TRIOBP: variants seen among roughly 807,000 people sequenced by gnomAD.
TRIOBP encodes TRIO and F-actin-binding protein.
In TRIOBP, 169 loss-of-function variants were observed where a neutral mutation model predicts 238.8. That is an observed-to-expected ratio of 0.71 (90% CI 0.62 to 0.80). The LOEUF (loss-of-function observed/expected upper bound fraction) is 0.80, where lower values mean the gene tolerates loss of function less well. TRIOBP is among the 30% of genes least tolerant of loss of function. TRIOBP has a pLI of 0.00. For missense variants in TRIOBP, 2,838 were observed against 3,122.6 expected (o/e 0.91, Z 2.17); for synonymous variants, 1,150 against 1,274.4 (o/e 0.90, Z 2.08).
intron 6 of TRIOBP, among the ~76,000 whole-genome samples, chr22:37,718,077 G>A (rs1316824647): frequency 6.6e-6 from 1 of 152,196 alleles, no homozygotes; most frequent in African/African-American, 2.4e-5. Context: ...CCAGCCGCTG[G>A]CCCAGGTGCT....
At position 37,772,660 on chromosome 22, in the gene TRIOBP, G is replaced by C. The variant is rs1276578489; in HGVS notation, c.6996G>C (p.Lys2332Asn). Residue 2332 changes from lysine to asparagine, a missense_variant, in exon 23 of 24, where the codon AAG becomes AAC. Physicochemically the swap from Lys to Asn is moderately conservative, Grantham distance 94. This residue lies in a region of TRIOBP where 2,096 missense variants were observed against 2,137.4 expected (regional missense o/e 0.98). Transcript: ENST00000644935. Reference sequence around the variant, plus strand: ...TCTATGTGGAGCTGAGCCACATCAAGACACGGTCTGAGCGGGAGATCGAGC... The same window carrying C: ...TCTATGTGGAGCTGAGCCACATCAACACACGGTCTGAGCGGGAGATCGAGC... ...QDVYVELSHIKTRSEREIEQL... is the reference protein window; with the variant it reads ...QDVYVELSHINTRSEREIEQL... 6.2e-7 allele frequency: 1 copy of C among 1,614,172 alleles called. No individual in the cohort carries two copies. The highest frequency in any genetic ancestry group is 1.1e-5 in the South Asian group (1 of 91,082).
chr22:37,764,150 G>GATT (rs1926375596), intron 17 of TRIOBP, among the ~76,000 whole-genome samples: 1 of 152,212 alleles, frequency 6.6e-6, no homozygotes, highest in Non-Finnish European at 1.5e-5. Flanking sequence ...AAGGTCAGCT[G>GATT]ATTAGCAACC....
chr22:37,768,812 A>G (rs538971260), intron 19 of TRIOBP, among the ~76,000 whole-genome samples: 1 of 152,126 alleles, frequency 6.6e-6, no homozygotes, highest in South Asian at 2.1e-4. Flanking sequence ...CATCTAAAAA[A>G]AAAAAAAAAG....
intron 6 of TRIOBP, among the ~76,000 whole-genome samples, chr22:37,716,516 G>A (rs752928435): frequency 6.6e-6 from 1 of 152,006 alleles, no homozygotes; most frequent in Non-Finnish European, 1.5e-5. Context: ...TGCAACCTCC[G>A]CCTCCTGGGT....
At position 37,765,832 on chromosome 22, in the gene TRIOBP, G is replaced by C. The variant is rs555909364; in HGVS notation, c.6472+15G>C. 1.2e-5 allele frequency: 19 copies of C among 1,585,226 alleles called. No homozygotes were observed. Among genetic ancestry groups the C allele is most frequent in the Admixed American group, 8.7e-5 (5 of 57,682 alleles). Reference sequence around the variant, plus strand: ...CACGGCCTCAGGTATGGACCCTGGGGGGGGCACAGTGGGCTGGGCTCTGAG... The same window carrying C: ...CACGGCCTCAGGTATGGACCCTGGGCGGGGCACAGTGGGCTGGGCTCTGAG... On this transcript the variant is annotated intron_variant, in intron 18 of 23. Coordinates refer to ENST00000644935, the MANE Select transcript of TRIOBP (RefSeq NM_001039141.3).
Position 37,769,105 on chromosome 22 carries a change from C to T in TRIOBP, c.6653C>T (p.Ala2218Val), listed in dbSNP as rs1480642554. Residue 2218 changes from alanine to valine, a missense_variant, in exon 20 of 24, where the codon GCA becomes GTA. Ala to Val is a moderately conservative substitution (Grantham distance 64, BLOSUM62 0). Around this residue, in one of 5 missense-constraint regions of TRIOBP, gnomAD observed 2,096 missense variants for 2,137.4 expected, o/e 0.98. Coordinates refer to ENST00000644935, the MANE Select transcript of TRIOBP (RefSeq NM_001039141.3). ...QYSQKCLEIGALMRQAEEREH... is the reference protein window; with the variant it reads ...QYSQKCLEIGVLMRQAEEREH... ...TCGCAGAAGTGCCTGGAGATTGGGG[C>T]ACTCATGCGGCAGGCTGAGGAGCGC... 5 of 1,613,502 alleles carry T rather than the reference C, an allele frequency of 3.1e-6. No individual in the cohort carries two copies. The East Asian group carries it at 1.1e-4, about 36-fold the overall frequency.
In TRIOBP at chr22:37,769,330, C is replaced by T; in HGVS notation, c.6804C>T (p.Gly2268=). The stretch of plus-strand genomic sequence containing the variant: ...GCTTCATTGCCTCGCAGGGCATGGG[C>T]AATGGCTGCGGGCGCAGCAACGAGC... The part of the protein sequence containing the change: ...LRGFIASQGM[G]NGCGRSNERS... Residue 2268 remains glycine (G), a synonymous_variant, in exon 21 of 24, where the codon GGC becomes GGT. Transcript: ENST00000644935. 1.2e-6 allele frequency: 2 copies of T among 1,611,572 alleles called. No individual in the cohort carries two copies. Among genetic ancestry groups the T allele is most frequent in the Non-Finnish European group, 1.7e-6 (2 of 1,179,422 alleles).
chr22:37,723,236 G>A lies in TRIOBP; in HGVS notation c.680G>A (p.Gly227Glu). The A allele has an allele frequency of 6.2e-7, 1 of 1,614,044 alleles. No individual in the cohort carries two copies. Among genetic ancestry groups the A allele is most frequent in the Non-Finnish European group, 8.5e-7 (1 of 1,179,954 alleles). The change falls in exon 7 of 24, where the codon GGA becomes GAA. Residue 227 changes from glycine (G) to glutamate (E), a missense_variant. By Grantham distance (98) the Gly-to-Glu change is moderately conservative. Coordinates refer to ENST00000644935, the MANE Select transcript of TRIOBP (RefSeq NM_001039141.3). ...SAGQHWARLR[G>E]ESGLSLERHR... ...GGACAGCACTGGGCAAGGCTCCGGG[G>A]AGAAAGCGGGTTGTCCCTGGAGCGG...
At chr22:37,754,490 A>C (rs989142798) in intron 12 of TRIOBP, among the ~76,000 whole-genome samples, 1 of 151,370 alleles carries the variant, frequency 6.6e-6, no homozygotes, top group South Asian at 2.1e-4. Flanking sequence ...ATCCAGTCCT[A>C]CTTCCCAGGG....
chr22:37,769,288 G>A lies in TRIOBP; in HGVS notation c.6762G>A (p.Glu2254=). ...NQELHGRLSE[E]IDQLRGFIAS... Reference sequence around the variant, plus strand: ...AGCTGCATGGCCGCCTGTCAGAGGAGATAGACCAGCTGCGCGGCTTCATTG... The same window carrying A: ...AGCTGCATGGCCGCCTGTCAGAGGAAATAGACCAGCTGCGCGGCTTCATTG... Residue 2254 remains glutamate (E), a synonymous_variant, in exon 21 of 24, where the codon GAG becomes GAA. Coordinates refer to ENST00000644935, the MANE Select transcript of TRIOBP (RefSeq NM_001039141.3). The A allele has an allele frequency of 6.2e-7, 1 of 1,612,034 alleles. No homozygotes were observed. The highest frequency in any genetic ancestry group is 1.7e-4 in the Middle Eastern group (1 of 6,038).
chr22:37,725,146 C>G lies in TRIOBP; in HGVS notation c.2590C>G (p.Pro864Ala), dbSNP rs762514605. The change falls in exon 7 of 24, where the codon CCT becomes GCT. Residue 864 changes from proline (P) to alanine (A), a missense_variant. Coordinates refer to ENST00000644935, the MANE Select transcript of TRIOBP (RefSeq NM_001039141.3). Reference sequence around the variant, plus strand: ...GTCCTTTTCCTTTCAACGAGACAACCCTGGAACCTCCTCATCTCAATGCTG... The same window carrying G: ...GTCCTTTTCCTTTCAACGAGACAACGCTGGAACCTCCTCATCTCAATGCTG... ...TQSFSFQRDN[P>A]GTSSSQCCTQ... 2.5e-6 allele frequency: 4 copies of G among 1,614,146 alleles called. No individual in the cohort carries two copies. Among genetic ancestry groups the G allele is most frequent in the Middle Eastern group, 1.6e-4 (1 of 6,062 alleles).
At chr22:37,752,687 T>C (rs1925684332) in intron 12 of TRIOBP, among the ~76,000 whole-genome samples, 1 of 152,128 alleles carries the variant, frequency 6.6e-6, no homozygotes, top group Non-Finnish European at 1.5e-5. Flanking sequence ...TGGTGGCTGC[T>C]CTCTAGGCTC....
Position 37,731,275 on chromosome 22 carries a change from C to G in TRIOBP, c.3948-2023C>G, listed in dbSNP as rs144339491. Reference sequence around the variant, plus strand: ...ACCTCAGCTTCCCAAGTAGCTGGGACTACAGCCACGTACCACCATGCTCGG... The same window carrying G: ...ACCTCAGCTTCCCAAGTAGCTGGGAGTACAGCCACGTACCACCATGCTCGG... On this transcript the variant is annotated intron_variant, in intron 7 of 23. Coordinates refer to ENST00000644935, the MANE Select transcript of TRIOBP (RefSeq NM_001039141.3). Among the ~76,000 whole-genome samples, 1,213 of 151,456 alleles carry G rather than the reference C, an allele frequency of 8.0e-3. 15 individuals carry two copies. The highest frequency in any genetic ancestry group is 0.028 in the African/African-American group (1,146 of 41,252).
intron 18 of TRIOBP, among the ~76,000 whole-genome samples, chr22:37,766,229 T>C (rs1314313503): frequency 1.3e-5 from 2 of 152,226 alleles, no homozygotes; most frequent in African/African-American, 2.4e-5. Context: ...GTGTGAGCAT[T>C]GTCCATGCCA....
intron 3 of TRIOBP, among the ~76,000 whole-genome samples, chr22:37,710,039 C>G (rs11913051): frequency 1.3e-5 from 2 of 152,256 alleles, no homozygotes; most frequent in African/African-American, 4.8e-5. Context: ...CTGGGGCGCA[C>G]GCACATACAT....
At position 37,719,991 on chromosome 22, in the gene TRIOBP, C is replaced by A. The variant is rs1442831110; in HGVS notation, c.629-3194C>A. On this transcript the variant is annotated intron_variant, in intron 6 of 23. Transcript: ENST00000644935. The stretch of plus-strand genomic sequence containing the variant: ...ACTGCACTCACTGTTTCACTCATCC[C>A]CCCCCGCCCTTTTTTTTTTTTTTTT... Among the ~76,000 whole-genome samples, 5 of 35,720 alleles carry A rather than the reference C, an allele frequency of 1.4e-4. 1 individual carries two copies. The highest frequency in any genetic ancestry group is 1.4e-4 in the African/African-American group (2 of 14,748). The allele number at this position is 35,720 out of a possible 152,430, so 23.4% of individuals were successfully genotyped here.
chr22:37,709,566 C>T (rs1415381330), intron 3 of TRIOBP, among the ~76,000 whole-genome samples: 1 of 152,226 alleles, frequency 6.6e-6, no homozygotes, highest in Non-Finnish European at 1.5e-5. Flanking sequence ...GCCACCACCA[C>T]CACCAGAGCC....
intron 7 of TRIOBP, among the ~76,000 whole-genome samples, chr22:37,727,117 C>T (rs1924210428): frequency 6.6e-6 from 1 of 151,650 alleles, no homozygotes; most frequent in South Asian, 2.1e-4. Context: ...CCATATTGGC[C>T]AGGCTGGTCT....
At chr22:37,727,814 C>T (rs1255830319) in intron 7 of TRIOBP, among the ~76,000 whole-genome samples, 1 of 152,136 alleles carries the variant, frequency 6.6e-6, no homozygotes, top group East Asian at 1.9e-4. Context: ...CAGCACTGGC[C>T]CCCTGGAAGG....
Sources: allele counts gnomAD v4.1 joint callset (sites outside exome capture counted in the v4.1 genomes callset), GRCh38; gene constraint gnomAD v4.1.1; regional missense constraint gnomAD v4.1.1; transcripts MANE v1.5; gene names NCBI Gene and HGNC (gene_info 2026-07-23, HGNC 2026-07-21).